The following BBX variants were observed in gnomAD, a reference collection of about 807,000 sequenced individuals.
The protein encoded by BBX is BBX high mobility group box domain containing, also known as HMG box transcription factor BBX.
A neutral mutation model predicts 100.2 loss-of-function variants in BBX; 30 were observed. The observed-to-expected ratio is 0.30, with a 90% confidence interval of 0.22 to 0.41. The LOEUF is 0.41. Ranked by LOEUF, BBX falls within the 10% of genes least tolerant of loss-of-function variation. The pLI is 1.00. For synonymous variants in BBX, 376 were observed against 388.1 expected (o/e 0.97, Z 0.37); for missense variants, 1,023 against 1,129.8 (o/e 0.91, Z 1.35).
In BBX at chr3:107,774,730, T is replaced by C; in HGVS notation, c.1927T>C (p.Ser643Pro). ...RANVDRGKRS[S>P]GKGNSSDHEG... ...TTGAATTTTCTTAGGAAAACGAAGC[T>C]CAGGAAAAGGAAACTCCTCTGATCA... Residue 643 changes from serine to proline, a missense_variant, in exon 12 of 18, where the codon TCA becomes CCA. By Grantham distance (74) the Ser-to-Pro change is moderately conservative (BLOSUM62 -1). Around this residue, in one of 9 missense-constraint regions of BBX, gnomAD observed 215 missense variants for 211.3 expected, o/e 1.02. Coordinates refer to ENST00000325805, the MANE Select transcript of BBX (RefSeq NM_001142568.3). The C allele has an allele frequency of 6.2e-7, 1 of 1,612,616 alleles. No homozygotes were observed. The highest frequency in any genetic ancestry group is 8.5e-7 in the Non-Finnish European group (1 of 1,179,254).
At chr3:107,723,265 C>A (rs1207205740) in intron 5 of BBX, among the ~76,000 whole-genome samples, 1 of 151,942 alleles carries the variant, frequency 6.6e-6, no homozygotes, top group Admixed American at 6.6e-5. Context: ...TTAGATAGCA[C>A]CTCCTCCCAG....
At chr3:107,547,586 A>G (rs1201544727) in intron 2 of BBX, among the ~76,000 whole-genome samples, 1 of 152,172 alleles carries the variant, frequency 6.6e-6, no homozygotes, top group Admixed American at 6.5e-5. Flanking sequence ...CCTTCAATAA[A>G]TGAATAAAAT....
At chr3:107,774,942 G>C (rs1272098981) in intron 12 of BBX, 85 bp downstream of exon 12, 2 of 1,478,170 alleles carry the variant, frequency 1.4e-6, no homozygotes, top group Non-Finnish European at 1.8e-6. Flanking sequence ...CACTAACTAC[G>C]CATGCTTGTT....
chr3:107,736,306 G>A (rs948160420), intron 7 of BBX, among the ~76,000 whole-genome samples: 3 of 152,030 alleles, frequency 2.0e-5, no homozygotes, highest in Non-Finnish European at 4.4e-5. Context: ...GAAATCAAAT[G>A]TAGTTCTTTA....
At chr3:107,664,050 C>T (rs2058611989) in intron 3 of BBX, among the ~76,000 whole-genome samples, 1 of 152,168 alleles carries the variant, frequency 6.6e-6, no homozygotes, top group South Asian at 2.1e-4. Context: ...TGTGATCCAC[C>T]GGCCTCGGCC....
intron 3 of BBX, among the ~76,000 whole-genome samples, chr3:107,669,102 G>A (rs1159941690): frequency 6.6e-6 from 1 of 151,762 alleles, no homozygotes. Context: ...AGAGGCTAGC[G>A]ATGATGATGA....
intron 17 of BBX, among the ~76,000 whole-genome samples, chr3:107,802,885 C>T (rs2070671010): frequency 6.6e-6 from 1 of 152,234 alleles, no homozygotes; most frequent in Non-Finnish European, 1.5e-5. Context: ...CTTCTCCCCA[C>T]CCTAGTCCCC....
chr3:107,534,915 C>A (rs552681378), intron 2 of BBX, among the ~76,000 whole-genome samples: 1 of 152,202 alleles, frequency 6.6e-6, no homozygotes, highest in Non-Finnish European at 1.5e-5. Flanking sequence ...AGAAGTTTCC[C>A]AAAGAGTATT....
At chr3:107,549,268 C>G (rs1027383848) in intron 2 of BBX, among the ~76,000 whole-genome samples, 5 of 151,938 alleles carry the variant, frequency 3.3e-5, no homozygotes, top group Non-Finnish European at 7.4e-5. Flanking sequence ...GTAATAAGAC[C>G]ATTAAAAATA....
intron 8 of BBX, among the ~76,000 whole-genome samples, chr3:107,747,041 T>G (rs138418847): frequency 1.1e-3 from 169 of 152,294 alleles, no homozygotes; most frequent in African/African-American, 3.9e-3. Flanking sequence ...AAAAGTTTTT[T>G]TCACTTTGGA....
rs143884105 is a variant in BBX at position 107,691,218 on chromosome 3, T to G, written c.-9-19234T>G. On this transcript the variant is annotated intron_variant, in intron 3 of 17. Transcript: ENST00000325805. ...CCATGGCACCTGGCCACTCTCGTAC[T>G]TTTTAAAAGAGAAAAAAGGCGAGCA... is the stretch of plus-strand genomic sequence containing the variant. 1.5e-3 allele frequency among the ~76,000 whole-genome samples: 236 copies of G among 152,266 alleles called. 2 individuals are homozygous for G. The highest frequency in any genetic ancestry group is 5.5e-3 in the African/African-American group (229 of 41,562).
Position 107,808,627 on chromosome 3 carries a change from C to G in BBX, c.*3170C>G, listed in dbSNP as rs1215102115. 1 of 152,036 alleles carries G rather than the reference C, an allele frequency of 6.6e-6. No homozygotes were observed. The highest frequency in any genetic ancestry group is 1.5e-5 in the Non-Finnish European group (1 of 67,998). The allele number at this position is 152,036 out of a possible 1,614,324, so 9.4% of individuals were successfully genotyped here. A position where few individuals can be genotyped will look rare whatever the true frequency, so the allele number is the denominator to read the frequency against. The stretch of plus-strand genomic sequence containing the variant: ...GAAAGAAAAAATACTGTAAGACATC[C>G]TTAAAGTTTTTATTTGTTTGGGTAC... On this transcript the variant is annotated 3_prime_UTR_variant, in exon 18 of 18. Coordinates refer to ENST00000325805, the MANE Select transcript of BBX (RefSeq NM_001142568.3).
intron 9 of BBX, among the ~76,000 whole-genome samples, chr3:107,750,764 G>A (rs763747426): frequency 6.4e-4 from 98 of 152,298 alleles, no homozygotes; most frequent in Middle Eastern, 6.8e-3. Flanking sequence ...ATGAGCATAT[G>A]TATTGCAACA....
chr3:107,624,082 G>A (rs1360112922), intron 2 of BBX, among the ~76,000 whole-genome samples: 1 of 152,170 alleles, frequency 6.6e-6, no homozygotes, highest in East Asian at 1.9e-4. Context: ...TCAGAAGCCA[G>A]GCTGCCAGGG....
intron 7 of BBX, among the ~76,000 whole-genome samples, chr3:107,736,922 A>G (rs1313658273): frequency 6.6e-6 from 1 of 152,120 alleles, no homozygotes; most frequent in Non-Finnish European, 1.5e-5. Flanking sequence ...ATATCTGTGT[A>G]GTTGTATGAC....
At chr3:107,708,333 A>T (rs1182937582) in intron 3 of BBX, among the ~76,000 whole-genome samples, 1 of 152,166 alleles carries the variant, frequency 6.6e-6, no homozygotes, top group East Asian at 1.9e-4. Context: ...CCACAAGAAC[A>T]TGTTTTTCTT....
At chr3:107,592,666 G>A (rs547216877) in intron 2 of BBX, among the ~76,000 whole-genome samples, 7 of 152,288 alleles carry the variant, frequency 4.6e-5, no homozygotes, top group East Asian at 3.9e-4. Context: ...AAAGGGGCAT[G>A]TGCAATTTTT....
intron 1 of BBX, 24 bp from the exon 2 acceptor site, chr3:107,526,303 G>A (rs2047774420): frequency 5.0e-6 from 2 of 398,464 alleles, no homozygotes; most frequent in South Asian, 1.3e-4. Flanking sequence ...TACTGATGAT[G>A]TACCTTTATT....
intron 2 of BBX, among the ~76,000 whole-genome samples, chr3:107,584,106 ATATAT>A (rs1441248901): frequency 6.9e-5 from 1 of 14,478 alleles, no homozygotes; most frequent in Non-Finnish European, 1.5e-4. Context: ...TATATATATT[ATATAT>A]TATATATAAT....
Sources: gnomAD v4.1 joint callset for allele counts (sites outside exome capture counted in the v4.1 genomes callset) on GRCh38, gnomAD v4.1.1 for gene constraint, gnomAD v4.1.1 regional missense constraint, MANE v1.5 for transcripts, NCBI Gene and HGNC (gene_info 2026-07-23, HGNC 2026-07-21) for gene names.